The following C19orf38 variants were observed in gnomAD, a reference collection of about 807,000 sequenced individuals.
C19orf38 encodes chromosome 19 open reading frame 38.
Under a neutral mutation model 26.6 loss-of-function variants are expected in C19orf38, and 14 were observed. That is an observed-to-expected ratio of 0.53 (90% CI 0.35 to 0.82). The LOEUF is 0.82. Among genes scored for constraint, C19orf38 ranks in the 40% least tolerant of loss-of-function variants. The probability of loss-of-function intolerance (pLI) is 0.01; values close to 1 mark genes in which losing one functional copy is unlikely to be tolerated. For synonymous variants in C19orf38, 132 were observed against 128.5 expected (o/e 1.03, Z -0.18); for missense variants, 261 against 299.5 (o/e 0.87, Z 0.95).
chr19:10,848,186 G>A (rs2073533319), upstream of C19orf38, among the ~76,000 whole-genome samples: 1 of 152,006 alleles, frequency 6.6e-6, no homozygotes, highest in Non-Finnish European at 1.5e-5. Context: ...GCAAGACTCT[G>A]TCTCAAAAAA....
upstream of C19orf38, among the ~76,000 whole-genome samples, chr19:10,846,068 G>A (rs1348756349): frequency 6.7e-6 from 1 of 150,222 alleles, no homozygotes; most frequent in East Asian, 2.0e-4. Flanking sequence ...TGTAGTCCCA[G>A]CTACTCAGGA....
intron 4 of C19orf38, 90 bp from the exon 5 acceptor site, chr19:10,859,825 T>G: frequency 8.3e-7 from 1 of 1,202,568 alleles, no homozygotes; most frequent in Non-Finnish European, 1.2e-6. Flanking sequence ...ACATTTTGGG[T>G]GTGGTTTGGG....
chr19:10,843,091 C>T (rs2073491077), intron 1 of C19orf38, among the ~76,000 whole-genome samples: 1 of 152,042 alleles, frequency 6.6e-6, no homozygotes, highest in Non-Finnish European at 1.5e-5. Flanking sequence ...TTTTTATGGA[C>T]TCAGAATGGG....
intron 1 of C19orf38, among the ~76,000 whole-genome samples, chr19:10,848,951 C>A (rs924102232): frequency 2.6e-5 from 4 of 152,048 alleles, no homozygotes; most frequent in African/African-American, 9.7e-5. Context: ...GCCAGACACT[C>A]TGCTCAGAAG....
intron 5 of C19orf38, among the ~76,000 whole-genome samples, 152 bp from the exon 6 acceptor site, chr19:10,863,018 G>A (rs2073717015): frequency 6.6e-6 from 1 of 152,088 alleles, no homozygotes; most frequent in Admixed American, 6.6e-5. Context: ...ACAGTTCACC[G>A]TGCAGAATGG....
intron 2 of C19orf38, among the ~76,000 whole-genome samples, chr19:10,855,031 T>A (rs1326229122): frequency 6.3e-5 from 4 of 63,964 alleles, no homozygotes; most frequent in African/African-American, 1.9e-4. Context: ...ATATATATTC[T>A]TTTTTTTTTT....
At chr19:10,844,586 G>T (rs183723120), upstream of C19orf38, among the ~76,000 whole-genome samples, 1 of 151,670 alleles carries the variant, frequency 6.6e-6, no homozygotes, top group African/African-American at 2.4e-5. Flanking sequence ...AGTGGCTCAC[G>T]CCTGTAATCC....
intron 5 of C19orf38, among the ~76,000 whole-genome samples, chr19:10,861,798 G>C (rs142213240): frequency 0.037 from 5,631 of 151,934 alleles, 154 homozygotes; most frequent in Non-Finnish European, 0.051. Context: ...GGCTGGTCTC[G>C]AACTCATGAC....
chr19:10,863,249 T>C (rs961607398), intron 6 of C19orf38, 42 bp downstream of exon 6: 4 of 1,541,892 alleles, frequency 2.6e-6, no homozygotes, highest in Non-Finnish European at 3.5e-6. Context: ...CTGCTGACCG[T>C]CCTACCGGGA....
chr19:10,860,534 C>CAAAA (rs900601654), intron 5 of C19orf38, among the ~76,000 whole-genome samples: 13 of 21,830 alleles, frequency 6.0e-4, no homozygotes, highest in African/African-American at 8.8e-4. Flanking sequence ...GACTCCATCT[C>CAAAA]AAAAAAAAAA....
intron 4 of C19orf38, among the ~76,000 whole-genome samples, chr19:10,859,037 A>C (rs1410767007): frequency 6.7e-6 from 1 of 150,122 alleles, no homozygotes; most frequent in East Asian, 2.0e-4. Context: ...TCCTGCGTTC[A>C]AGCAGTTCTC....
intron 4 of C19orf38, 41 bp downstream of exon 4, chr19:10,858,384 AAAG>A (rs1568337044): frequency 2.0e-6 from 3 of 1,518,012 alleles, no homozygotes; most frequent in African/African-American, 2.8e-5. Context: ...TGGTTTGGGG[AAAG>A]AAGGACACTT....
intron 1 of C19orf38, chr19:10,841,901 A>G: frequency 6.3e-7 from 1 of 1,596,104 alleles, no homozygotes; most frequent in Non-Finnish European, 8.6e-7. Context: ...ATCCTGATTC[A>G]AATGGAATGC....
At chr19:10,867,413 T>C (rs551133337) in intron 6 of C19orf38, among the ~76,000 whole-genome samples, 1 of 142,368 alleles carries the variant, frequency 7.0e-6, no homozygotes, top group East Asian at 2.2e-4. Context: ...GAGACTAGCC[T>C]GACCAACACG....
At position 10,837,671 on chromosome 19, in the gene C19orf38, C is replaced by T. The variant is rs181177618; in HGVS notation, c.-69+901C>T. ...TACAGGCACGTGCCACCACACCTGGCTAATTTTTTGTATTTTTAGTAGAGA... is the reference window on the plus strand; with the variant it reads ...TACAGGCACGTGCCACCACACCTGGTTAATTTTTTGTATTTTTAGTAGAGA... On this transcript the variant is annotated intron_variant, in intron 1 of 7. Coordinates refer to the C19orf38 transcript ENST00000592854. Among the ~76,000 whole-genome samples, 365 of 151,686 alleles carry T rather than the reference C, an allele frequency of 2.4e-3. 3 individuals carry two copies. The highest frequency in any genetic ancestry group is 8.0e-3 in the African/African-American group (332 of 41,362).
intron 4 of C19orf38, among the ~76,000 whole-genome samples, chr19:10,859,278 G>GTGTGTGTGTATA (rs2073665279): frequency 3.7e-5 from 3 of 80,138 alleles, no homozygotes; most frequent in Admixed American, 3.6e-4. Flanking sequence ...GTGTGTGTGT[G>GTGTGTGTGTATA]TATGTGTGTG....
intron 4 of C19orf38, 51 bp downstream of exon 4, chr19:10,858,394 A>T: frequency 6.7e-7 from 1 of 1,499,956 alleles, no homozygotes; most frequent in Non-Finnish European, 9.0e-7. Flanking sequence ...AAAGAAGGAC[A>T]CTTCCCTGGC....
At position 10,858,427 on chromosome 19, in the gene C19orf38, C is replaced by A. The variant is rs965222321; in HGVS notation, c.461+84C>A. 27 of 1,307,130 alleles carry A rather than the reference C, an allele frequency of 2.1e-5. 1 individual carries two copies. The highest frequency in any genetic ancestry group is 2.6e-5 in the Non-Finnish European group (25 of 945,080). 81.0% of individuals were successfully genotyped at this position (1,307,130 alleles called of 1,614,324 possible). A position where few individuals can be genotyped will look rare whatever the true frequency, so the allele number is the denominator to read the frequency against. On this transcript the variant is annotated intron_variant, in intron 4 of 6. Transcript: ENST00000397820. Reference sequence around the variant, plus strand: ...GGCAGGGTGGGCACTCCATGCCCCCCACAAACAGCGCCTCCTGGTGGGCAT... The same window carrying A: ...GGCAGGGTGGGCACTCCATGCCCCCAACAAACAGCGCCTCCTGGTGGGCAT...
intron 1 of C19orf38, chr19:10,841,856 T>C: frequency 6.8e-7 from 1 of 1,461,352 alleles, no homozygotes; most frequent in East Asian, 2.3e-5. Flanking sequence ...CAATCCCATT[T>C]CCTGAGGGAA....
Sources: allele counts gnomAD v4.1 joint callset (sites outside exome capture counted in the v4.1 genomes callset), GRCh38; gene constraint gnomAD v4.1.1; transcripts MANE v1.5; gene names NCBI Gene and HGNC (gene_info 2026-07-23, HGNC 2026-07-21).